The following TANGO6 variants were observed in gnomAD, a reference collection of about 807,000 sequenced individuals.
The protein encoded by TANGO6 is transport and golgi organization 6 homolog.
In TANGO6, 90 loss-of-function variants were observed where a neutral mutation model predicts 114.2. That is an observed-to-expected ratio of 0.79 (90% CI 0.66 to 0.94). The LOEUF is 0.94. Among genes scored for constraint, TANGO6 ranks in the 40% least tolerant of loss-of-function variants. TANGO6 has a pLI of 0.00. For synonymous variants in TANGO6, 477 were observed against 509.8 expected, an observed-to-expected ratio of 0.94 and a Z score of 0.87; for missense variants, 1,274 against 1,315.3, an observed-to-expected ratio of 0.97 and a Z score of 0.49.
intron 14 of TANGO6, among the ~76,000 whole-genome samples, chr16:68,935,894 T>C (rs1597027932): frequency 6.6e-6 from 1 of 152,254 alleles, no homozygotes; most frequent in South Asian, 2.1e-4. Flanking sequence ...GAATATGTCC[T>C]TGAAGGCTAG....
intron 9 of TANGO6, among the ~76,000 whole-genome samples, chr16:68,904,749 T>C (rs541904419): frequency 6.6e-6 from 1 of 152,316 alleles, no homozygotes; most frequent in Admixed American, 6.5e-5. Context: ...GTGTTTTGCT[T>C]TTTAGTGCAT....
chr16:68,899,422 A>G (rs7202289), intron 7 of TANGO6, among the ~76,000 whole-genome samples: 11,656 of 152,118 alleles, frequency 0.077, 1,170 homozygotes, highest in African/African-American at 0.23. Context: ...GTTGAATTGA[A>G]TGCGTTTGTG....
At chr16:68,964,529 ATTCAT>A (rs927137095) in intron 14 of TANGO6, among the ~76,000 whole-genome samples, 2 of 151,166 alleles carry the variant, frequency 1.3e-5, no homozygotes, top group African/African-American at 4.9e-5. Context: ...AGCTCTTAGA[ATTCAT>A]TTCATGACAG....
intron 15 of TANGO6, among the ~76,000 whole-genome samples, chr16:68,975,473 A>C (rs1012379550): frequency 6.6e-6 from 1 of 151,174 alleles, no homozygotes; most frequent in South Asian, 2.1e-4. Context: ...CTCCCACCTC[A>C]GCCTCCCAAA....
chr16:69,021,104 T>G (rs892270115), intron 15 of TANGO6, among the ~76,000 whole-genome samples: 1 of 152,154 alleles, frequency 6.6e-6, no homozygotes, highest in Admixed American at 6.6e-5. Flanking sequence ...CTTTTTGCAC[T>G]CCTTTGCTCA....
At chr16:69,065,793 C>T (rs1476202112) in intron 17 of TANGO6, among the ~76,000 whole-genome samples, 1 of 152,148 alleles carries the variant, frequency 6.6e-6, no homozygotes, top group Non-Finnish European at 1.5e-5. Context: ...GTCTCAAAAG[C>T]CTGGTCTTTC....
At chr16:68,958,582 GAAAA>G (rs575207508) in intron 14 of TANGO6, among the ~76,000 whole-genome samples, 3 of 151,006 alleles carry the variant, frequency 2.0e-5, no homozygotes, top group Admixed American at 2.0e-4. Context: ...GAAAGAAAAA[GAAAA>G]AAAACCTCTT....
chr16:68,978,194 G>T (rs1037066975), intron 15 of TANGO6, among the ~76,000 whole-genome samples: 1 of 152,124 alleles, frequency 6.6e-6, no homozygotes, highest in Non-Finnish European at 1.5e-5. Context: ...AACGTAACAT[G>T]TATTTTCTCT....
rs530479022 is a variant in TANGO6, at chr16:69,013,767, G to A, written c.2843-9061G>A. Among the ~76,000 whole-genome samples the A allele has an allele frequency of 4.0e-5, 6 of 149,506 alleles. No homozygotes were observed. In the East Asian group the frequency reaches 8.0e-4, roughly 20 times the overall value. ...CACCTCCTGGGCTCAAGCAATTCTC[G>A]TGCCTCAGCCTCCCGAGTAGCTACG... On this transcript the variant is annotated intron_variant, in intron 15 of 17. Coordinates refer to ENST00000261778, the MANE Select transcript of TANGO6 (RefSeq NM_024562.2).
At chr16:68,957,875 A>G (rs1326949545) in intron 14 of TANGO6, among the ~76,000 whole-genome samples, 1 of 152,196 alleles carries the variant, frequency 6.6e-6, no homozygotes, top group East Asian at 1.9e-4. Context: ...TAGAATAACT[A>G]AAATTAAAAA....
intron 15 of TANGO6, among the ~76,000 whole-genome samples, chr16:68,985,444 T>A (rs1963880244): frequency 6.6e-6 from 1 of 152,166 alleles, no homozygotes; most frequent in African/African-American, 2.4e-5. Flanking sequence ...GTGCAGTGAC[T>A]CATGCCTGTA....
intron 7 of TANGO6, among the ~76,000 whole-genome samples, chr16:68,881,209 G>A (rs1308062316): frequency 6.6e-6 from 1 of 152,216 alleles, no homozygotes; most frequent in Non-Finnish European, 1.5e-5. Flanking sequence ...ATGAAAGCAT[G>A]TCTATTGAAG....
intron 7 of TANGO6, among the ~76,000 whole-genome samples, chr16:68,886,032 A>T (rs952989091): frequency 6.6e-6 from 1 of 152,276 alleles, no homozygotes; most frequent in Admixed American, 6.5e-5. Flanking sequence ...ATTTCTCTAC[A>T]TCTGGCCAAA....
intron 3 of TANGO6, among the ~76,000 whole-genome samples, chr16:68,863,364 T>A (rs1962129036): frequency 6.6e-6 from 1 of 152,136 alleles, no homozygotes; most frequent in African/African-American, 2.4e-5. Flanking sequence ...TCCCAGCACT[T>A]TGGGAGGCCG....
At chr16:68,943,260 T>C (rs1963374018) in intron 14 of TANGO6, among the ~76,000 whole-genome samples, 1 of 151,190 alleles carries the variant, frequency 6.6e-6, no homozygotes, top group South Asian at 2.1e-4. Flanking sequence ...TTTTTTTCTT[T>C]ATTTTATTTT....
At chr16:69,070,461 C>T (rs1251685655) in intron 17 of TANGO6, among the ~76,000 whole-genome samples, 1 of 151,520 alleles carries the variant, frequency 6.6e-6, no homozygotes, top group East Asian at 1.9e-4. Context: ...GGTGAAACCC[C>T]GTCCCTAATA....
At chr16:68,867,047 A>G (rs752697495) in intron 3 of TANGO6, 32 bp from the exon 4 acceptor site, 4 of 1,560,556 alleles carry the variant, frequency 2.6e-6, no homozygotes, top group South Asian at 1.1e-5. Flanking sequence ...TTTCAGTGAC[A>G]TTCAGAATTC....
intron 15 of TANGO6, among the ~76,000 whole-genome samples, chr16:69,010,912 C>G (rs1054509270): frequency 3.3e-5 from 5 of 152,130 alleles, no homozygotes; most frequent in Non-Finnish European, 7.3e-5. Context: ...TGTGTATTCT[C>G]TAAAATAATG....
intron 17 of TANGO6, among the ~76,000 whole-genome samples, chr16:69,041,315 G>T (rs141005965): frequency 6.6e-6 from 1 of 151,886 alleles, no homozygotes; most frequent in African/African-American, 2.4e-5. Context: ...GTGTGGTGGC[G>T]CATGCCTGTA....
Sources: gnomAD v4.1 joint callset for allele counts (sites outside exome capture counted in the v4.1 genomes callset) on GRCh38, gnomAD v4.1.1 for gene constraint, MANE v1.5 for transcripts, NCBI Gene and HGNC (gene_info 2026-07-23, HGNC 2026-07-21) for gene names.